Variants in GAD1 observed in about 807,000 individuals in gnomAD.
The protein encoded by GAD1 is glutamate decarboxylase 1.
Under a neutral mutation model 75.2 loss-of-function variants are expected in GAD1, and 35 were observed. The observed-to-expected ratio is 0.47, with a 90% CI of 0.36 to 0.62. The LOEUF is 0.62. GAD1 is among the 20% of genes least tolerant of loss of function. GAD1 has a pLI of 0.00. For missense variants in GAD1, 490 were observed against 758.5 expected (o/e 0.65, Z 4.16); for synonymous variants, 257 against 271.9 (o/e 0.95, Z 0.54).
At chr2:170,814,916 G>A (rs868616347), upstream of GAD1, among the ~76,000 whole-genome samples, 8 of 152,192 alleles carry the variant, frequency 5.3e-5, no homozygotes, top group Non-Finnish European at 1.5e-5. Flanking sequence ...TGAAGTAAAC[G>A]AATCTTCCTT....
chr2:170,828,918 C>T, intron 3 of GAD1: 1 of 211,122 alleles, frequency 4.7e-6, no homozygotes, highest in Non-Finnish European at 9.5e-6. Flanking sequence ...CTCTGCTGTC[C>T]TCACCCCTCC....
chr2:170,847,760 T>C lies in GAD1; in HGVS notation c.1087T>C (p.Cys363Arg). 3 of 1,613,972 alleles carry C rather than the reference T, an allele frequency of 1.9e-6. No homozygotes were observed. In the South Asian group the frequency reaches 3.3e-5, roughly 18 times the overall value. Residue 363 changes from cysteine (C) to arginine (R), a missense_variant, in exon 11 of 17, where the codon TGT (cysteine) becomes CGT (arginine). Cys to Arg is a radical substitution (Grantham distance 180). Coordinates refer to ENST00000358196, the MANE Select transcript of GAD1 (RefSeq NM_000817.3). The stretch of plus-strand genomic sequence containing the variant: ...TCCGATACAAGAGATTGCAGATATA[T>C]GTGAGAAATATAACCTTTGGTTGCA... ...FDPIQEIADI[C>R]EKYNLWLHVD... is the part of the protein sequence containing the mutation.
intron 3 of GAD1, chr2:170,829,004 C>T (rs1289214290): frequency 7.3e-6 from 2 of 275,758 alleles, no homozygotes; most frequent in East Asian, 1.0e-4. Flanking sequence ...CACCTCTCCT[C>T]CTCCCTCTGC....
Position 170,860,225 on chromosome 2 carries a change from A to G in GAD1, c.*343A>G. 4.3e-6 allele frequency: 1 copy of G among 231,772 alleles called. No homozygotes were observed. Among genetic ancestry groups the G allele is most frequent in the Non-Finnish European group, 8.6e-6 (1 of 115,844 alleles). The allele number at this position is 231,772 out of a possible 1,614,324, so 14.4% of individuals were successfully genotyped here. A position where few individuals can be genotyped will look rare whatever the true frequency, so the allele number is the denominator to read the frequency against. ...TTCAGCAGTTACCGAGGAGCTAAAC[A>G]TGCTGCCAACCAGCTTGTCCAACAA... On this transcript the variant is annotated 3_prime_UTR_variant, in exon 17 of 17. Coordinates refer to ENST00000358196, the MANE Select transcript of GAD1 (RefSeq NM_000817.3).
intron 16 of GAD1, 73 bp downstream of exon 16, chr2:170,858,966 G>A: frequency 3.0e-6 from 4 of 1,325,924 alleles, no homozygotes; most frequent in Non-Finnish European, 4.3e-6. Flanking sequence ...TCATTCCAAT[G>A]TGCCTTTCTA....
intron 10 of GAD1, among the ~76,000 whole-genome samples, chr2:170,846,809 C>CTTG (rs1702642099): frequency 6.6e-6 from 1 of 152,126 alleles, no homozygotes; most frequent in Admixed American, 6.5e-5. Context: ...AATTCAAGAC[C>CTTG]AGCCTGGGCA....
chr2:170,843,186 T>C (rs2105796529), intron 6 of GAD1, among the ~76,000 whole-genome samples: 1 of 152,354 alleles, frequency 6.6e-6, no homozygotes, highest in Middle Eastern at 3.4e-3. Flanking sequence ...GCCCCACGTT[T>C]GGTCTCACGA....
chr2:170,832,658 G>GCA (rs1288645729), intron 5 of GAD1, among the ~76,000 whole-genome samples: 1 of 36,320 alleles, frequency 2.8e-5, no homozygotes, highest in African/African-American at 5.9e-5. Flanking sequence ...ACATGCGCGC[G>GCA]CGCGCGCACA....
At chr2:170,839,206 T>C (rs1385478991) in intron 6 of GAD1, among the ~76,000 whole-genome samples, 1 of 152,264 alleles carries the variant, frequency 6.6e-6, no homozygotes, top group African/African-American at 2.4e-5. Flanking sequence ...TCATTGAATT[T>C]AGGTGGCACC....
intron 9 of GAD1, 44 bp from the exon 10 acceptor site, chr2:170,845,965 A>T: frequency 6.3e-7 from 1 of 1,577,958 alleles, no homozygotes; most frequent in South Asian, 1.1e-5. Context: ...GTGCAATCTC[A>T]TTGACTCTTC....
At chr2:170,838,236 T>C (rs958605416) in intron 6 of GAD1, among the ~76,000 whole-genome samples, 2 of 152,332 alleles carry the variant, frequency 1.3e-5, no homozygotes, top group East Asian at 3.9e-4. Context: ...ACTGTCCATG[T>C]TGGGTCACTG....
chr2:170,825,362 C>T (rs1701998808), intron 3 of GAD1, among the ~76,000 whole-genome samples: 1 of 152,172 alleles, frequency 6.6e-6, no homozygotes, highest in African/African-American at 2.4e-5. Flanking sequence ...ACACTCCAGT[C>T]TGGACAACAG....
At chr2:170,837,893 T>A (rs1487627533) in intron 6 of GAD1, among the ~76,000 whole-genome samples, 1 of 152,192 alleles carries the variant, frequency 6.6e-6, no homozygotes, top group East Asian at 1.9e-4. Flanking sequence ...GATATCAAGA[T>A]AGAACGTAAA....
chr2:170,822,913 A>AG (rs1199498003), intron 3 of GAD1, among the ~76,000 whole-genome samples: 1 of 152,234 alleles, frequency 6.6e-6, no homozygotes, highest in African/African-American at 2.4e-5. Context: ...AAAATAGATC[A>AG]GGGAGCTGGA....
chr2:170,830,498 C>G (rs539470904), intron 4 of GAD1, among the ~76,000 whole-genome samples: 6 of 152,382 alleles, frequency 3.9e-5, no homozygotes, highest in Admixed American at 3.9e-4. Context: ...CCAAGGACCA[C>G]CCTCCTCAGG....
chr2:170,849,009 G>A (rs1255799035), intron 11 of GAD1: 3 of 507,976 alleles, frequency 5.9e-6, no homozygotes, highest in Non-Finnish European at 1.1e-5. Context: ...TGGGCCATTG[G>A]ACCTTTGGGT....
intron 15 of GAD1, 39 bp downstream of exon 15, chr2:170,857,164 GA>G (rs777398636): frequency 1.3e-6 from 2 of 1,513,238 alleles, no homozygotes; most frequent in Non-Finnish European, 1.8e-6. Context: ...AGTATTTCCA[GA>G]AAAACTGCTG....
At chr2:170,822,188 C>T (rs746406741) in intron 3 of GAD1, 39 bp downstream of exon 3, 9 of 1,575,592 alleles carry the variant, frequency 5.7e-6, no homozygotes, top group South Asian at 4.5e-5. Context: ...CTGGGTGGCG[C>T]GGCGGGCGGA....
chr2:170,829,294 A>G, intron 3 of GAD1, 181 bp from the exon 4 acceptor site: 1 of 665,422 alleles, frequency 1.5e-6, no homozygotes, highest in Non-Finnish European at 2.6e-6. Context: ...GACATTTGGC[A>G]CTGCCCCCCT....
Sources: allele counts gnomAD v4.1 joint callset (sites outside exome capture counted in the v4.1 genomes callset), GRCh38; gene constraint gnomAD v4.1.1; transcripts MANE v1.5; gene names NCBI Gene and HGNC (gene_info 2026-07-23, HGNC 2026-07-21).